SLC22A3: variants seen among roughly 807,000 people sequenced by gnomAD.
SLC22A3 encodes EMT organic cation transporter 3.
A neutral mutation model predicts 59.1 loss-of-function variants in SLC22A3; 51 were observed. The observed-to-expected ratio is 0.86, with a 90% CI of 0.69 to 1.09. The LOEUF is 1.09. Among genes scored for constraint, SLC22A3 ranks in the 50% least tolerant of loss-of-function variants. SLC22A3 has a pLI of 0.00. For synonymous variants in SLC22A3, 325 were observed against 292.0 expected (o/e 1.11, Z -1.15); for missense variants, 711 against 726.3 (o/e 0.98, Z 0.24).
At chr6:160,372,257 G>C (rs6923921) in intron 1 of SLC22A3, among the ~76,000 whole-genome samples, 70,780 of 151,866 alleles carry the variant, frequency 0.47, 16,791 homozygotes, top group East Asian at 0.56. Flanking sequence ...GATCTTTGTT[G>C]GTTTAAAGTC....
chr6:160,411,384 C>T lies in SLC22A3; in HGVS notation c.975+538C>T, dbSNP rs371897051. 2.8e-4 allele frequency among the ~76,000 whole-genome samples: 43 copies of T among 152,254 alleles called. No individual in the cohort carries two copies. In the South Asian group the frequency reaches 7.7e-3, roughly 27 times the overall value. On this transcript the variant is annotated intron_variant, in intron 5 of 10. Coordinates refer to ENST00000275300, the MANE Select transcript of SLC22A3 (RefSeq NM_021977.4). ...GTCTTTCTCCCTTTCTTCTTTTCTT[C>T]CTCCATTCCTTCCTTCTTCCAAGAA...
rs200116545 is a variant in SLC22A3 at position 160,359,225 on chromosome 6, TG to T, written c.429+10378del. The stretch of plus-strand genomic sequence containing the variant: ...CTCCCCCAACCCAAATCCAAATCTA[TG>T]AAATGAAGACACAGCAGTTGTGGTG... On this transcript the variant is annotated intron_variant, in intron 1 of 10. Coordinates refer to ENST00000275300, the MANE Select transcript of SLC22A3 (RefSeq NM_021977.4). 8.0e-3 allele frequency among the ~76,000 whole-genome samples: 1,223 copies of T among 152,284 alleles called. 13 individuals are homozygous for T. The highest frequency in any genetic ancestry group is 0.031 in the Middle Eastern group (9 of 294).
intron 10 of SLC22A3, among the ~76,000 whole-genome samples, chr6:160,450,537 C>T (rs1278609034): frequency 6.6e-6 from 1 of 152,118 alleles, no homozygotes; most frequent in Admixed American, 6.5e-5. Flanking sequence ...GGACATACAT[C>T]CTCAGCTTAC....
intron 1 of SLC22A3, among the ~76,000 whole-genome samples, chr6:160,378,600 A>G (rs1368593378): frequency 1.3e-5 from 2 of 152,206 alleles, no homozygotes; most frequent in Non-Finnish European, 2.9e-5. Flanking sequence ...ACAGTAATAT[A>G]TAGAGGCTCC....
At chr6:160,405,381 C>T (rs188988068) in intron 2 of SLC22A3, among the ~76,000 whole-genome samples, 1 of 152,078 alleles carries the variant, frequency 6.6e-6, no homozygotes, top group Non-Finnish European at 1.5e-5. Flanking sequence ...ATTAGAATGG[C>T]CAAAATCCAG....
intron 7 of SLC22A3, 61 bp downstream of exon 7, chr6:160,437,272 C>T: frequency 6.6e-7 from 1 of 1,517,588 alleles, no homozygotes; most frequent in East Asian, 2.3e-5. Context: ...AATCCACAAT[C>T]AAGTATAGGG....
intron 2 of SLC22A3, among the ~76,000 whole-genome samples, chr6:160,404,923 A>G (rs1583483130): frequency 6.6e-6 from 1 of 152,046 alleles, no homozygotes; most frequent in East Asian, 1.9e-4. Flanking sequence ...AAAAAAATGG[A>G]TCACAGACCT....
chr6:160,383,278 A>G (rs2114799379), intron 1 of SLC22A3, among the ~76,000 whole-genome samples: 1 of 152,332 alleles, frequency 6.6e-6, no homozygotes, highest in East Asian at 1.9e-4. Flanking sequence ...GTGAAACTAA[A>G]TATCATTTGA....
intron 5 of SLC22A3, among the ~76,000 whole-genome samples, chr6:160,417,182 G>A (rs910255094): frequency 9.9e-5 from 15 of 152,200 alleles, no homozygotes; most frequent in African/African-American, 2.9e-4. Flanking sequence ...CGCCCAAGGA[G>A]CAGAAGTGGC....
intron 4 of SLC22A3, among the ~76,000 whole-genome samples, chr6:160,410,295 G>A (rs1461545968): frequency 6.6e-6 from 1 of 152,186 alleles, no homozygotes; most frequent in Non-Finnish European, 1.5e-5. Flanking sequence ...GGGATTACAG[G>A]CCTGAGCCAC....
chr6:160,434,000 T>A (rs1030873506), intron 5 of SLC22A3, among the ~76,000 whole-genome samples: 5 of 152,178 alleles, frequency 3.3e-5, no homozygotes, highest in African/African-American at 1.2e-4. Flanking sequence ...GTGGTATTGA[T>A]ATGTAGACAA....
intron 5 of SLC22A3, among the ~76,000 whole-genome samples, chr6:160,426,636 C>A (rs770010202): frequency 6.6e-6 from 1 of 152,168 alleles, no homozygotes. Flanking sequence ...AAGTGTCTAC[C>A]CAACTTGTTC....
rs547504346 is a variant in SLC22A3 at position 160,442,530 on chromosome 6, C to T, written c.1289-231C>T. Among the ~76,000 whole-genome samples, 103 of 152,292 alleles carry T rather than the reference C, an allele frequency of 6.8e-4. 2 individuals are homozygous for T. The Middle Eastern group carries it at 0.01, about 15-fold the overall frequency. On this transcript the variant is annotated intron_variant, in intron 7 of 10. Coordinates refer to ENST00000275300, the MANE Select transcript of SLC22A3 (RefSeq NM_021977.4). ...AACAAACGGTTCTTGAATTGTACTTCCTATAATCCAACCTGCTCAGAAAGG... is the reference window on the plus strand; with the variant it reads ...AACAAACGGTTCTTGAATTGTACTTTCTATAATCCAACCTGCTCAGAAAGG...
At chr6:160,427,733 C>T (rs996968030) in intron 5 of SLC22A3, among the ~76,000 whole-genome samples, 1 of 152,182 alleles carries the variant, frequency 6.6e-6, no homozygotes, top group Non-Finnish European at 1.5e-5. Context: ...CTTGAATTCA[C>T]TCAAACTTGC....
intron 2 of SLC22A3, among the ~76,000 whole-genome samples, chr6:160,402,917 T>C (rs993444489): frequency 2.0e-5 from 3 of 151,810 alleles, no homozygotes; most frequent in Admixed American, 2.0e-4. Context: ...ATTTATAGCA[T>C]TGAATACATA....
At chr6:160,410,705 C>A in intron 4 of SLC22A3, 24 bp from the exon 5 acceptor site, 1 of 1,466,972 alleles carries the variant, frequency 6.8e-7, no homozygotes, top group South Asian at 1.1e-5. Flanking sequence ...AGACATAACT[C>A]ACAACAGCCT....
intron 1 of SLC22A3, among the ~76,000 whole-genome samples, chr6:160,394,975 T>C (rs1423518363): frequency 2.0e-5 from 3 of 152,150 alleles, no homozygotes; most frequent in Admixed American, 6.5e-5. Flanking sequence ...ACTAGCTCCC[T>C]ACTGGTACAA....
intron 1 of SLC22A3, among the ~76,000 whole-genome samples, chr6:160,349,896 A>G (rs1265677544): frequency 6.6e-6 from 1 of 152,192 alleles, no homozygotes; most frequent in Non-Finnish European, 1.5e-5. Flanking sequence ...TTTGTGATAA[A>G]CTTTAAAAAA....
intron 5 of SLC22A3, among the ~76,000 whole-genome samples, chr6:160,416,098 C>CT (rs912674739): frequency 6.6e-6 from 1 of 152,202 alleles, no homozygotes; most frequent in Non-Finnish European, 1.5e-5. Context: ...TAGGCAAACT[C>CT]TGTCTCTGCC....
Sources: gnomAD v4.1 joint callset for allele counts (sites outside exome capture counted in the v4.1 genomes callset) on GRCh38, gnomAD v4.1.1 for gene constraint, MANE v1.5 for transcripts, NCBI Gene and HGNC (gene_info 2026-07-23, HGNC 2026-07-21) for gene names.